The following TENM2 variants were observed in gnomAD, a reference collection of about 807,000 sequenced individuals.
TENM2 encodes teneurin-2.
A neutral mutation model predicts 245.2 loss-of-function variants in TENM2; 52 were observed. That is an observed-to-expected ratio of 0.21 (90% confidence interval 0.17 to 0.27). The LOEUF is 0.27. Among genes scored for constraint, TENM2 ranks in the 10% least tolerant of loss-of-function variants. TENM2 has a pLI of 1.00. For synonymous variants in TENM2, 1,363 were observed against 1,438.9 expected (o/e 0.95, Z 1.19); for missense variants, 3,046 against 3,666.8 (o/e 0.83, Z 4.37).
At chr5:167,343,376 C>T (rs767546778) in intron 1 of TENM2, among the ~76,000 whole-genome samples, 12 of 152,088 alleles carry the variant, frequency 7.9e-5, no homozygotes, top group Non-Finnish European at 1.6e-4. Flanking sequence ...TGTGATATGT[C>T]CCATTTTCTG....
chr5:167,195,201 C>T, the TENM2 span, among the ~76,000 whole-genome samples: 3 of 152,026 alleles, frequency 2.0e-5, no homozygotes, highest in Admixed American at 1.3e-4. Context: ...TAGCTGTGTA[C>T]TTCTGCTAAC....
the TENM2 span, among the ~76,000 whole-genome samples, chr5:167,227,327 T>A: frequency 6.6e-6 from 1 of 152,108 alleles, no homozygotes; most frequent in Non-Finnish European, 1.5e-5. Flanking sequence ...CCTTTCTGTT[T>A]CTTATTTGTG....
the TENM2 span, among the ~76,000 whole-genome samples, chr5:167,123,762 A>G: frequency 1.3e-5 from 2 of 152,346 alleles, no homozygotes; most frequent in South Asian, 2.1e-4. Flanking sequence ...TTCTGCTTCT[A>G]TATAAAGGTT....
chr5:167,158,911 T>TC, the TENM2 span, among the ~76,000 whole-genome samples: 1 of 115,986 alleles, frequency 8.6e-6, no homozygotes, highest in African/African-American at 3.6e-5. Flanking sequence ...TTCCTTCCTC[T>TC]TCCTCTCTCT....
At chr5:167,560,383 C>A (rs1260981874) in intron 2 of TENM2, among the ~76,000 whole-genome samples, 2 of 151,418 alleles carry the variant, frequency 1.3e-5, no homozygotes, top group Non-Finnish European at 2.9e-5. Context: ...TTTCTTAGAT[C>A]TGTTTAGCAT....
rs575232893 is a variant in TENM2, at chr5:167,342,695, T to C, written c.227-32503T>C. ...GGCGCCCGCCACTGCGCCTGGCTAA[T>C]TTTTTGTATTTTTAGTAGAGACGGG... On this transcript the variant is annotated intron_variant, in intron 1 of 28. Transcript: ENST00000518659. Among the ~76,000 whole-genome samples the C allele has an allele frequency of 8.1e-3, 1,225 of 151,540 alleles. 12 individuals carry two copies. Among genetic ancestry groups the C allele is most frequent in the Non-Finnish European group, 0.011 (717 of 67,806 alleles).
At chr5:167,764,827 T>C (rs1762902366) in intron 2 of TENM2, among the ~76,000 whole-genome samples, 1 of 152,130 alleles carries the variant, frequency 6.6e-6, no homozygotes, top group Admixed American at 6.5e-5. Flanking sequence ...ACTCCTGTGC[T>C]TTGATGGATG....
intron 2 of TENM2, among the ~76,000 whole-genome samples, chr5:167,871,576 A>G (rs1772829344): frequency 6.6e-6 from 1 of 152,240 alleles, no homozygotes; most frequent in Admixed American, 6.5e-5. Flanking sequence ...TCTTGAAAAC[A>G]CTTACACACA....
At chr5:167,870,601 G>GTATA (rs1561877849) in intron 2 of TENM2, among the ~76,000 whole-genome samples, 1 of 142,988 alleles carries the variant, frequency 7.0e-6, no homozygotes, top group African/African-American at 2.6e-5. Flanking sequence ...ATATATATGT[G>GTATA]TATATATGTA....
chr5:168,158,589 A>T (rs555262032), intron 12 of TENM2, among the ~76,000 whole-genome samples: 32 of 151,512 alleles, frequency 2.1e-4, no homozygotes, highest in Middle Eastern at 3.4e-3. Context: ...GCATTGTAGG[A>T]TGTTGAGCAG....
At chr5:167,998,924 G>A (rs1331448009) in intron 5 of TENM2, among the ~76,000 whole-genome samples, 1 of 152,202 alleles carries the variant, frequency 6.6e-6, no homozygotes, top group Admixed American at 6.5e-5. Flanking sequence ...AGCCTACCAT[G>A]TGTTTAAAGT....
chr5:167,563,617 G>A (rs886904242), intron 2 of TENM2, among the ~76,000 whole-genome samples: 1 of 152,152 alleles, frequency 6.6e-6, no homozygotes, highest in African/African-American at 2.4e-5. Flanking sequence ...AGCAAATACG[G>A]TAATGCACCA....
At chr5:167,375,469 G>C in exon 2 of TENM2, 1 of 1,551,622 alleles carries the variant, frequency 6.4e-7, no homozygotes, top group South Asian at 1.2e-5. Flanking sequence ...CAGATGATGA[G>C]AACGGTAGGC....
chr5:167,620,549 CT>C (rs11455974), intron 2 of TENM2, among the ~76,000 whole-genome samples: 2,370 of 73,282 alleles, frequency 0.032, 8 homozygotes, highest in African/African-American at 0.068. Context: ...TGCTTTTTGG[CT>C]TTTTTTTTTT....
the TENM2 span, among the ~76,000 whole-genome samples, chr5:167,055,373 G>T: frequency 2.0e-5 from 3 of 151,966 alleles, no homozygotes; most frequent in Non-Finnish European, 2.9e-5. Flanking sequence ...CTCTGTCTGG[G>T]TTATTTATTC....
chr5:167,790,445 C>A (rs1416415262), intron 2 of TENM2, among the ~76,000 whole-genome samples: 3 of 152,206 alleles, frequency 2.0e-5, no homozygotes, highest in Admixed American at 1.3e-4. Flanking sequence ...AAAATGCACA[C>A]GCTTGCCTTC....
At chr5:167,921,719 G>A (rs1015320574) in intron 3 of TENM2, among the ~76,000 whole-genome samples, 3 of 152,134 alleles carry the variant, frequency 2.0e-5, no homozygotes, top group African/African-American at 7.2e-5. Context: ...TGGGAGGCAT[G>A]ACAGAAATTA....
chr5:167,680,392 A>G (rs1756626106), intron 2 of TENM2, among the ~76,000 whole-genome samples: 1 of 152,022 alleles, frequency 6.6e-6, no homozygotes, highest in Non-Finnish European at 1.5e-5. Flanking sequence ...GGGCAAATGA[A>G]GGAGTGGTGG....
At chr5:167,719,973 C>T (rs1759520331) in intron 2 of TENM2, among the ~76,000 whole-genome samples, 1 of 151,882 alleles carries the variant, frequency 6.6e-6, no homozygotes, top group Non-Finnish European at 1.5e-5. Flanking sequence ...AGGATAATAA[C>T]ACATTTTCTG....
Sources: allele counts gnomAD v4.1 joint callset (sites outside exome capture counted in the v4.1 genomes callset), GRCh38; gene constraint gnomAD v4.1.1; transcripts MANE v1.5; gene names NCBI Gene and HGNC (gene_info 2026-07-23, HGNC 2026-07-21).